The following MNAT1 variants were observed in gnomAD, a reference collection of about 807,000 sequenced individuals.
The protein encoded by MNAT1 is MNAT1 component of CDK activating kinase, also known as CDK-activating kinase assembly factor MAT1.
A neutral mutation model predicts 42.0 loss-of-function variants in MNAT1; 43 were observed. The observed-to-expected ratio is 1.02, with a 90% CI of 0.80 to 1.32. The LOEUF is 1.32. Among genes scored for constraint, MNAT1 ranks in the 40% most tolerant of loss-of-function variants. The pLI is 0.00. For missense variants in MNAT1, 306 were observed against 350.4 expected (o/e 0.87, Z 1.01); for synonymous variants, 118 against 120.0 (o/e 0.98, Z 0.11).
intron 3 of MNAT1, among the ~76,000 whole-genome samples, chr14:60,802,472 A>T (rs1050272524): frequency 3.3e-5 from 5 of 152,016 alleles, no homozygotes; most frequent in Admixed American, 3.3e-4. Flanking sequence ...TGTCAACTGA[A>T]AAAAAAAGAG....
chr14:60,866,476 T>G (rs1285418874), intron 6 of MNAT1, among the ~76,000 whole-genome samples: 1 of 152,076 alleles, frequency 6.6e-6, no homozygotes, highest in Non-Finnish European at 1.5e-5. Flanking sequence ...GGAAAATGAC[T>G]AGCTTAGTTC....
intron 6 of MNAT1, among the ~76,000 whole-genome samples, chr14:60,858,853 G>A (rs1462479903): frequency 2.6e-5 from 4 of 152,158 alleles, no homozygotes; most frequent in Middle Eastern, 3.2e-3. Context: ...TGTGCACTGT[G>A]TTTTAGACAT....
chr14:60,938,431 C>T (rs1479381371), intron 7 of MNAT1, among the ~76,000 whole-genome samples: 1 of 152,100 alleles, frequency 6.6e-6, no homozygotes. Context: ...GAGTTTTTAG[C>T]ATGAAGTGTT....
intron 7 of MNAT1, among the ~76,000 whole-genome samples, chr14:60,961,676 G>A (rs564353745): frequency 2.0e-5 from 3 of 152,148 alleles, no homozygotes; most frequent in African/African-American, 7.2e-5. Context: ...ATGAGATCAC[G>A]AAGGCTTTGT....
chr14:60,831,225 A>C (rs565016263), intron 6 of MNAT1, among the ~76,000 whole-genome samples: 11 of 151,766 alleles, frequency 7.2e-5, no homozygotes, highest in African/African-American at 2.7e-4. Context: ...CTTGGGATAC[A>C]TGTGGAGGTT....
intron 5 of MNAT1, among the ~76,000 whole-genome samples, chr14:60,814,825 A>T (rs748438728): frequency 6.6e-6 from 1 of 152,182 alleles, no homozygotes; most frequent in Non-Finnish European, 1.5e-5. Flanking sequence ...TTCCCTAGCA[A>T]CTTTCATTAG....
intron 6 of MNAT1, among the ~76,000 whole-genome samples, chr14:60,855,363 A>C (rs770465120): frequency 2.0e-5 from 3 of 151,992 alleles, no homozygotes; most frequent in Non-Finnish European, 4.4e-5. Context: ...TGGGTTATAA[A>C]AAAAACCTCC....
At chr14:60,929,901 G>A (rs574738790) in intron 7 of MNAT1, among the ~76,000 whole-genome samples, 2 of 152,014 alleles carry the variant, frequency 1.3e-5, no homozygotes, top group Non-Finnish European at 2.9e-5. Flanking sequence ...GAAACATTCT[G>A]ACAGGAACCA....
rs1223631851 is a variant in MNAT1 at position 60,852,595 on chromosome 14, G to A, written c.688-27119G>A. On this transcript the variant is annotated intron_variant, in intron 6 of 7. Transcript: ENST00000261245. Reference sequence around the variant, plus strand: ...TTGGCTTTTGTTGCCATTGCTTTTGGTGTTTTAGTCATAAAGTCTTTGCCT... The same window carrying A: ...TTGGCTTTTGTTGCCATTGCTTTTGATGTTTTAGTCATAAAGTCTTTGCCT... Among the ~76,000 whole-genome samples, 6 of 152,220 alleles carry A rather than the reference G, an allele frequency of 3.9e-5. No individual in the cohort carries two copies. The South Asian group carries it at 1.0e-3, about 26-fold the overall frequency.
intron 7 of MNAT1, among the ~76,000 whole-genome samples, chr14:60,917,918 G>A (rs368886829): frequency 6.6e-5 from 10 of 152,184 alleles, no homozygotes; most frequent in East Asian, 3.9e-4. Context: ...GTGAGACACC[G>A]TGTCTGGCTG....
intron 7 of MNAT1, among the ~76,000 whole-genome samples, chr14:60,923,917 G>A (rs766484302): frequency 6.6e-6 from 1 of 152,166 alleles, no homozygotes; most frequent in Admixed American, 6.6e-5. Context: ...GGATGACAGA[G>A]CGAGACTGTC....
In MNAT1 at chr14:60,968,594, G is replaced by C. The variant is rs1185647300; in HGVS notation, c.*245G>C. On this transcript the variant is annotated 3_prime_UTR_variant, in exon 8 of 8. Coordinates refer to ENST00000261245, the MANE Select transcript of MNAT1 (RefSeq NM_002431.4). ...ACGATAAGCCTCATCTGATGGAAGAGAGGAATAAATAATTCACCTATATGT... is the reference window on the plus strand; with the variant it reads ...ACGATAAGCCTCATCTGATGGAAGACAGGAATAAATAATTCACCTATATGT... 1.8e-6 allele frequency: 2 copies of C among 1,140,796 alleles called. No homozygotes were observed. Among genetic ancestry groups the C allele is most frequent in the Non-Finnish European group, 2.4e-6 (2 of 838,616 alleles). The allele number at this position is 1,140,796 out of a possible 1,614,324, so 70.7% of individuals were successfully genotyped here.
chr14:60,882,856 A>G (rs957138718), intron 7 of MNAT1, among the ~76,000 whole-genome samples: 2 of 152,062 alleles, frequency 1.3e-5, no homozygotes, highest in Non-Finnish European at 2.9e-5. Flanking sequence ...ATTTTTACAT[A>G]TGACTGTTTG....
At chr14:60,803,107 T>G (rs1204641741) in intron 3 of MNAT1, among the ~76,000 whole-genome samples, 3 of 151,802 alleles carry the variant, frequency 2.0e-5, no homozygotes, top group African/African-American at 7.3e-5. Flanking sequence ...AATTTTTTTT[T>G]TGTATTTTTA....
chr14:60,799,272 CTA>C, intron 3 of MNAT1: 1 of 985,220 alleles, frequency 1.0e-6, no homozygotes. Context: ...TCATGAGTGA[CTA>C]TGGATTTTAG....
At chr14:60,735,364 C>G in intron 1 of MNAT1, among the ~76,000 whole-genome samples, 1 of 152,134 alleles carries the variant, frequency 6.6e-6, no homozygotes, top group East Asian at 1.9e-4. Context: ...TGAGTATATA[C>G]TGCTGCTATT....
chr14:60,964,570 A>G (rs535743995), intron 7 of MNAT1, among the ~76,000 whole-genome samples: 1 of 152,174 alleles, frequency 6.6e-6, no homozygotes, highest in Non-Finnish European at 1.5e-5. Context: ...CGATTTACAC[A>G]TATTTAAAAT....
chr14:60,762,873 A>G (rs2030667268), intron 1 of MNAT1, among the ~76,000 whole-genome samples: 1 of 152,086 alleles, frequency 6.6e-6, no homozygotes, highest in African/African-American at 2.4e-5. Context: ...TCAGTGGTAA[A>G]TTTATATAAA....
chr14:60,781,287 A>G (rs1052329744), intron 1 of MNAT1, among the ~76,000 whole-genome samples: 5 of 152,172 alleles, frequency 3.3e-5, no homozygotes, highest in Non-Finnish European at 5.9e-5. Flanking sequence ...AAGCAAGTGG[A>G]TTTGTGTGGT....
Sources: allele counts gnomAD v4.1 joint callset (sites outside exome capture counted in the v4.1 genomes callset), GRCh38; gene constraint gnomAD v4.1.1; transcripts MANE v1.5; gene names NCBI Gene and HGNC (gene_info 2026-07-23, HGNC 2026-07-21).